SLC35F4: variants seen among roughly 807,000 people sequenced by gnomAD.
The protein encoded by SLC35F4 is chromosome 14 open reading frame 36.
SLC35F4 carries 24 observed loss-of-function variants against 44.2 expected under a neutral mutation model. The ratio of observed to expected loss-of-function variants is 0.54; its 90% CI spans 0.39 to 0.76. SLC35F4 has a LOEUF of 0.76. SLC35F4 is among the 30% of genes least tolerant of loss of function. SLC35F4 has a pLI of 0.00. For synonymous variants in SLC35F4, 238 were observed against 223.6 expected (o/e 1.06, Z -0.57); for missense variants, 562 against 586.1 (o/e 0.96, Z 0.42).
chr14:57,644,665 T>C (rs1483288795), intron 1 of SLC35F4, among the ~76,000 whole-genome samples: 1 of 152,140 alleles, frequency 6.6e-6, no homozygotes. Context: ...TTGCTTTTGG[T>C]GTTTTAGACA....
intron 1 of SLC35F4, among the ~76,000 whole-genome samples, chr14:57,963,861 T>C (rs1453686420): frequency 6.6e-6 from 1 of 151,784 alleles, no homozygotes; most frequent in African/African-American, 2.4e-5. Flanking sequence ...TAGCTGAGAC[T>C]ACAGGCACAT....
At chr14:57,759,273 T>C (rs1566828882) in intron 1 of SLC35F4, among the ~76,000 whole-genome samples, 3 of 152,176 alleles carry the variant, frequency 2.0e-5, no homozygotes, top group Admixed American at 6.5e-5. Flanking sequence ...GATCATATGG[T>C]AGTTCTATTT....
intron 1 of SLC35F4, among the ~76,000 whole-genome samples, chr14:57,641,888 C>A (rs1207647419): frequency 6.6e-6 from 1 of 151,922 alleles, no homozygotes; most frequent in Admixed American, 6.6e-5. Context: ...TAAGTAACTT[C>A]TAGGCTTACA....
At chr14:57,622,134 G>C (rs1224628165) in intron 1 of SLC35F4, among the ~76,000 whole-genome samples, 2 of 101,158 alleles carry the variant, frequency 2.0e-5, no homozygotes, top group Non-Finnish European at 4.6e-5. Flanking sequence ...TCTCACACAA[G>C]TTAGAATGGC....
intron 1 of SLC35F4, among the ~76,000 whole-genome samples, chr14:57,704,811 A>G (rs1324352159): frequency 6.6e-6 from 1 of 152,180 alleles, no homozygotes; most frequent in Non-Finnish European, 1.5e-5. Flanking sequence ...TGTTATGTGC[A>G]TGAGAGAGCC....
chr14:57,952,591 AAATG>A (rs1435740334), intron 1 of SLC35F4, among the ~76,000 whole-genome samples: 17 of 152,106 alleles, frequency 1.1e-4, no homozygotes, highest in African/African-American at 3.6e-4. Context: ...AGAAGAACAT[AAATG>A]ACCTGACGGA....
intron 1 of SLC35F4, among the ~76,000 whole-genome samples, chr14:57,797,949 G>A (rs578027048): frequency 6.6e-6 from 1 of 151,774 alleles, no homozygotes; most frequent in Non-Finnish European, 1.5e-5. Context: ...TTGTGCATTT[G>A]GGTTGCTCTC....
chr14:57,705,894 G>C (rs1258602639), intron 1 of SLC35F4, among the ~76,000 whole-genome samples: 1 of 151,910 alleles, frequency 6.6e-6, no homozygotes, highest in Non-Finnish European at 1.5e-5. Flanking sequence ...CTAGAGGTTA[G>C]AAGAGTTGTC....
intron 1 of SLC35F4, among the ~76,000 whole-genome samples, chr14:57,830,111 C>T (rs948032548): frequency 1.3e-5 from 2 of 151,828 alleles, no homozygotes; most frequent in East Asian, 3.9e-4. Context: ...TGTCTGCTAC[C>T]TACAAAAAAA....
chr14:57,847,670 G>A (rs968589597), intron 1 of SLC35F4, among the ~76,000 whole-genome samples: 3 of 152,208 alleles, frequency 2.0e-5, no homozygotes, highest in South Asian at 2.1e-4. Flanking sequence ...TGTACAGCTC[G>A]ATGACATTTT....
chr14:57,686,233 G>A (rs1034845957), intron 1 of SLC35F4, among the ~76,000 whole-genome samples: 2 of 152,228 alleles, frequency 1.3e-5, no homozygotes, highest in Middle Eastern at 3.4e-3. Context: ...AAAATAGTTG[G>A]TGCTTCTTTG....
At chr14:57,932,736 C>G (rs1160081818) in intron 1 of SLC35F4, among the ~76,000 whole-genome samples, 2 of 152,058 alleles carry the variant, frequency 1.3e-5, no homozygotes, top group East Asian at 3.9e-4. Flanking sequence ...GTAATCCCAG[C>G]TACTTGGGAG....
intron 1 of SLC35F4, among the ~76,000 whole-genome samples, chr14:57,833,007 G>T (rs1375828090): frequency 6.6e-6 from 1 of 152,156 alleles, no homozygotes; most frequent in African/African-American, 2.4e-5. Context: ...GATAAATATT[G>T]TAGGAACACG....
rs1247134868 is a variant in SLC35F4, at chr14:57,842,516, AGAG to A, written c.103+23204_103+23206del. Among the ~76,000 whole-genome samples the A allele has an allele frequency of 5.3e-5, 8 of 152,056 alleles. No individual in the cohort carries two copies. In the East Asian group the frequency reaches 1.6e-3, roughly 30 times the overall value. On this transcript the variant is annotated intron_variant, in intron 1 of 7. Transcript: ENST00000556826. ...GCCACCCACCAGACATGGGAGGGAGAGAGGAGAATGCTGTGGTGATATCTACAC... is the reference window on the plus strand; with the variant it reads ...GCCACCCACCAGACATGGGAGGGAGAGAGAATGCTGTGGTGATATCTACAC...
chr14:57,647,268 T>C (rs2073570851), intron 1 of SLC35F4, among the ~76,000 whole-genome samples: 2 of 151,956 alleles, frequency 1.3e-5, no homozygotes, highest in African/African-American at 4.8e-5. Flanking sequence ...AGTCTCTTTG[T>C]AGGTCACTAA....
intron 1 of SLC35F4, among the ~76,000 whole-genome samples, chr14:57,781,028 C>A (rs760527676): frequency 6.6e-6 from 1 of 152,076 alleles, no homozygotes; most frequent in Admixed American, 6.6e-5. Context: ...ATGAGGAAGA[C>A]ACCAAAAGCA....
intron 1 of SLC35F4, among the ~76,000 whole-genome samples, chr14:57,793,048 A>G (rs1277306436): frequency 6.6e-6 from 1 of 152,080 alleles, no homozygotes; most frequent in African/African-American, 2.4e-5. Context: ...CAAAACCAAA[A>G]TATTAGAAAC....
downstream of SLC35F4, among the ~76,000 whole-genome samples, chr14:57,971,973 T>C (rs1881065332): frequency 6.6e-6 from 1 of 152,048 alleles, no homozygotes. Flanking sequence ...ACTCAGTTGG[T>C]TAGGGAGGGC....
At position 57,764,321 on chromosome 14, in the gene SLC35F4, A is replaced by AAG. The variant is rs2077189201; in HGVS notation, c.103+101400_103+101401dup. ...TCCTTGCTGTAGGTTCTAAAAAAAAAAGAGAGCCACTTTGGTTTATCTATC... is the reference window on the plus strand; with the variant it reads ...TCCTTGCTGTAGGTTCTAAAAAAAAAAGAGAGAGCCACTTTGGTTTATCTATC... On this transcript the variant is annotated intron_variant, in intron 1 of 7. Transcript: ENST00000556826. Among the ~76,000 whole-genome samples, 2 of 152,324 alleles carry AAG rather than the reference A, an allele frequency of 1.3e-5. 1 individual carries two copies. The highest frequency in any genetic ancestry group is 4.1e-4 in the South Asian group (2 of 4,830).
Sources: gnomAD v4.1 joint callset for allele counts (sites outside exome capture counted in the v4.1 genomes callset) on GRCh38, gnomAD v4.1.1 for gene constraint, MANE v1.5 for transcripts, NCBI Gene and HGNC (gene_info 2026-07-23, HGNC 2026-07-21) for gene names.